HTR1F: variants seen among roughly 807,000 people sequenced by gnomAD.
HTR1F encodes the protein 5-hydroxytryptamine (serotonin) receptor 1F, G protein-coupled.
In HTR1F, 17 loss-of-function variants were observed where a neutral mutation model predicts 24.0. The ratio of observed to expected loss-of-function variants is 0.71; its 90% CI spans 0.48 to 1.06. The LOEUF (loss-of-function observed/expected upper bound fraction) is 1.06, where lower values mean the gene tolerates loss of function less well. HTR1F is among the 50% of genes least tolerant of loss of function. The pLI is 0.00. For missense variants in HTR1F, 391 were observed against 427.8 expected (o/e 0.91, Z 0.76); for synonymous variants, 186 against 156.8 (o/e 1.19, Z -1.39).
intron 2 of HTR1F, among the ~76,000 whole-genome samples, chr3:87,906,728 T>G (rs1703676274): frequency 6.6e-6 from 1 of 151,668 alleles, no homozygotes; most frequent in Non-Finnish European, 1.5e-5. Flanking sequence ...AAGTTCATTG[T>G]ATCATTCTTA....
At chr3:87,800,108 A>G (rs1294170620) in intron 1 of HTR1F, among the ~76,000 whole-genome samples, 1 of 152,120 alleles carries the variant, frequency 6.6e-6, no homozygotes, top group African/African-American at 2.4e-5. Flanking sequence ...CCCTGAATCT[A>G]GCCTTGCCCT....
In HTR1F at chr3:87,990,914, C is replaced by G. The variant is rs955106113; in HGVS notation, c.165C>G (p.His55Gln). ...CAATTATTGTGACCCGGAAGCTGCA[C>G]CATCCAGCCAATTATTTAATTTGTT... ...IAAIIVTRKLHHPANYLICSL... is the reference protein window; with the variant it reads ...IAAIIVTRKLQHPANYLICSL... The change falls in exon 3 of 3, where the codon CAC (histidine) becomes CAG (glutamine). Residue 55 changes from histidine (H) to glutamine (Q), a missense_variant. Transcript: ENST00000319595. 1.9e-6 allele frequency: 3 copies of G among 1,614,124 alleles called. No individual in the cohort carries two copies. In the Admixed American group the frequency reaches 5.0e-5, roughly 27 times the overall value.
At chr3:87,845,961 C>T (rs550520684) in intron 2 of HTR1F, among the ~76,000 whole-genome samples, 24 of 151,952 alleles carry the variant, frequency 1.6e-4, no homozygotes, top group Non-Finnish European at 3.4e-4. Context: ...TAGTACTTAG[C>T]ACACAACAGA....
intron 2 of HTR1F, among the ~76,000 whole-genome samples, chr3:87,902,700 A>T (rs889524987): frequency 1.3e-4 from 20 of 149,470 alleles, no homozygotes; most frequent in African/African-American, 4.4e-4. Flanking sequence ...TGCACCCATT[A>T]ACTCGTCATT....
intron 2 of HTR1F, among the ~76,000 whole-genome samples, chr3:87,901,006 C>T (rs753342979): frequency 8.5e-5 from 13 of 152,250 alleles, no homozygotes; most frequent in Middle Eastern, 3.4e-3. Flanking sequence ...AGGAGAACGA[C>T]ATCCAAGGAC....
chr3:87,934,184 A>T (rs1195359900), intron 2 of HTR1F, among the ~76,000 whole-genome samples: 3 of 152,248 alleles, frequency 2.0e-5, no homozygotes, highest in Admixed American at 1.3e-4. Flanking sequence ...TCAAGAAAAC[A>T]CTAGTGAAGT....
At chr3:87,881,136 C>T (rs1705786825) in intron 2 of HTR1F, among the ~76,000 whole-genome samples, 3 of 152,166 alleles carry the variant, frequency 2.0e-5, no homozygotes, top group Admixed American at 6.5e-5. Context: ...ATTGCCTCAC[C>T]TGGGAAGTGC....
At chr3:87,846,776 T>G (rs1000482321) in intron 2 of HTR1F, among the ~76,000 whole-genome samples, 1 of 151,954 alleles carries the variant, frequency 6.6e-6, no homozygotes, top group Non-Finnish European at 1.5e-5. Context: ...TCTTTAAAGA[T>G]AGTCATTGTA....
At chr3:87,829,181 GA>G (rs1224506134) in intron 2 of HTR1F, among the ~76,000 whole-genome samples, 2 of 152,126 alleles carry the variant, frequency 1.3e-5, no homozygotes, top group Admixed American at 1.3e-4. Flanking sequence ...TTTTCAAAGA[GA>G]AAAGAACCAA....
chr3:87,890,685 C>A (rs956789259), intron 2 of HTR1F, among the ~76,000 whole-genome samples: 4 of 151,728 alleles, frequency 2.6e-5, no homozygotes, highest in African/African-American at 9.7e-5. Flanking sequence ...ATATGAATAT[C>A]ATGTACCCAC....
chr3:87,947,784 C>A (rs1381932605), intron 2 of HTR1F, among the ~76,000 whole-genome samples: 1 of 63,782 alleles, frequency 1.6e-5, no homozygotes, highest in African/African-American at 7.1e-5. Context: ...TATTAATCAT[C>A]TTTATATTTA....
intron 2 of HTR1F, among the ~76,000 whole-genome samples, chr3:87,865,729 T>C (rs1432102119): frequency 6.6e-6 from 1 of 152,164 alleles, no homozygotes; most frequent in African/African-American, 2.4e-5. Context: ...GTATAAAAAA[T>C]TATAATTTAT....
chr3:87,922,651 T>G (rs1309102905), intron 2 of HTR1F, among the ~76,000 whole-genome samples: 2 of 152,072 alleles, frequency 1.3e-5, no homozygotes, highest in Non-Finnish European at 2.9e-5. Context: ...ATGTCACAGT[T>G]TTGGGTCTTA....
chr3:87,946,690 C>T (rs1345229811), intron 2 of HTR1F, among the ~76,000 whole-genome samples: 3 of 150,494 alleles, frequency 2.0e-5, no homozygotes, highest in Non-Finnish European at 2.9e-5. Flanking sequence ...GGCACAATCT[C>T]GGGCTGCTCA....
Sources: allele counts gnomAD v4.1 joint callset (sites outside exome capture counted in the v4.1 genomes callset), GRCh38; gene constraint gnomAD v4.1.1; transcripts MANE v1.5; gene names NCBI Gene and HGNC (gene_info 2026-07-23, HGNC 2026-07-21).